The following IGF2BP3 variants were observed in gnomAD, a reference collection of about 807,000 sequenced individuals.
IGF2BP3 encodes insulin like growth factor 2 mRNA binding protein 3.
IGF2BP3 carries 9 observed loss-of-function variants against 73.8 expected under a neutral mutation model. The observed-to-expected ratio is 0.12, with a 90% confidence interval of 0.07 to 0.21. The LOEUF is 0.21. IGF2BP3 is among the 10% of genes least tolerant of loss of function. IGF2BP3 has a pLI of 1.00. For synonymous variants in IGF2BP3, 258 were observed against 256.7 expected (o/e 1.01, Z -0.05); for missense variants, 542 against 714.0 (o/e 0.76, Z 2.75).
At chr7:23,346,482 G>A (rs940144100) in intron 7 of IGF2BP3, among the ~76,000 whole-genome samples, 8 of 152,152 alleles carry the variant, frequency 5.3e-5, no homozygotes, top group African/African-American at 1.9e-4. Context: ...CATAAGAACA[G>A]GAAGGGGAGC....
rs746204752 is a variant in IGF2BP3, at chr7:23,392,472, G to GTA, written c.285+26302_285+26303dup. On this transcript the variant is annotated intron_variant, in intron 3 of 14. Coordinates refer to ENST00000258729, the MANE Select transcript of IGF2BP3 (RefSeq NM_006547.3). ...TATATACACACACACACATATATAT[G>GTA]TATATATATATATACACACATACAC... Among the ~76,000 whole-genome samples the GTA allele has an allele frequency of 2.7e-3, 380 of 140,660 alleles. 1 individual carries two copies. Among genetic ancestry groups the GTA allele is most frequent in the African/African-American group, 5.0e-3 (188 of 37,952 alleles). The allele number at this position is 140,660 out of a possible 152,430, so 92.3% of individuals were successfully genotyped here. A position where few individuals can be genotyped will look rare whatever the true frequency, so the allele number is the denominator to read the frequency against.
chr7:23,321,141 T>C (rs1784132828), intron 10 of IGF2BP3, among the ~76,000 whole-genome samples: 1 of 152,162 alleles, frequency 6.6e-6, no homozygotes, highest in African/African-American at 2.4e-5. Context: ...GGGTGATTTC[T>C]GCATTTCCAT....
chr7:23,346,939 T>C (rs1784844001), intron 7 of IGF2BP3, among the ~76,000 whole-genome samples: 1 of 152,188 alleles, frequency 6.6e-6, no homozygotes, highest in African/African-American at 2.4e-5. Flanking sequence ...TTTACTTTAA[T>C]AATTACATTC....
chr7:23,364,750 T>A (rs1785325747), intron 3 of IGF2BP3, among the ~76,000 whole-genome samples: 1 of 152,102 alleles, frequency 6.6e-6, no homozygotes, highest in Non-Finnish European at 1.5e-5. Flanking sequence ...CCATTAAAAT[T>A]TAGCTTTTAA....
intron 3 of IGF2BP3, among the ~76,000 whole-genome samples, chr7:23,392,367 A>G (rs1460680476): frequency 6.6e-6 from 1 of 150,510 alleles, no homozygotes; most frequent in Non-Finnish European, 1.5e-5. Flanking sequence ...CTGATTCAGT[A>G]AGTAGTGCTG....
intron 10 of IGF2BP3, among the ~76,000 whole-genome samples, chr7:23,337,420 G>C (rs1436477891): frequency 6.6e-6 from 1 of 152,240 alleles, no homozygotes; most frequent in Admixed American, 6.5e-5. Context: ...GAACTTAAAA[G>C]CTTGCTTCCT....
intron 3 of IGF2BP3, among the ~76,000 whole-genome samples, chr7:23,397,536 T>C (rs1208545842): frequency 2.0e-5 from 3 of 152,336 alleles, no homozygotes; most frequent in East Asian, 3.9e-4. Flanking sequence ...CCATACGCCA[T>C]GCCTCCTTCA....
chr7:23,432,479 C>T (rs919511548), intron 2 of IGF2BP3, among the ~76,000 whole-genome samples: 1 of 151,974 alleles, frequency 6.6e-6, no homozygotes, highest in Non-Finnish European at 1.5e-5. Flanking sequence ...AATGTGACTA[C>T]TAGAAGGGCA....
chr7:23,326,362 G>A (rs1208673262), intron 10 of IGF2BP3, among the ~76,000 whole-genome samples: 10 of 152,092 alleles, frequency 6.6e-5, no homozygotes, highest in Non-Finnish European at 1.0e-4. Context: ...CAAAACCACA[G>A]TGAGATACCA....
At chr7:23,459,676 C>T (rs1738177332) in intron 2 of IGF2BP3, among the ~76,000 whole-genome samples, 1 of 151,812 alleles carries the variant, frequency 6.6e-6, no homozygotes, top group South Asian at 2.1e-4. Flanking sequence ...ACTAAAAATA[C>T]AAAAATTAGC....
At chr7:23,446,484 G>C (rs1166081948) in intron 2 of IGF2BP3, among the ~76,000 whole-genome samples, 2 of 152,250 alleles carry the variant, frequency 1.3e-5, no homozygotes, top group East Asian at 3.9e-4. Context: ...TTGAACCCAG[G>C]AGGCAGAGGT....
intron 10 of IGF2BP3, among the ~76,000 whole-genome samples, chr7:23,332,483 T>C (rs1270006947): frequency 6.6e-6 from 1 of 152,246 alleles, no homozygotes; most frequent in Admixed American, 6.5e-5. Context: ...TCAGCATTTT[T>C]AGAACACATA....
chr7:23,365,909 T>G (rs765755450), intron 3 of IGF2BP3: 1 of 152,332 alleles, frequency 6.6e-6, no homozygotes, highest in Non-Finnish European at 1.5e-5. Flanking sequence ...GAGCTCCATA[T>G]TTTGATTACC....
chr7:23,315,563 C>A (rs1436969194), intron 12 of IGF2BP3, among the ~76,000 whole-genome samples: 1 of 152,162 alleles, frequency 6.6e-6, no homozygotes, highest in African/African-American at 2.4e-5. Flanking sequence ...CCACAAAAAA[C>A]AATAGTACCC....
intron 3 of IGF2BP3, among the ~76,000 whole-genome samples, chr7:23,381,148 A>C (rs375092): frequency 0.33 from 50,235 of 152,128 alleles, 13,463 homozygotes; most frequent in African/African-American, 0.74. Context: ...CTCCTCCCAG[A>C]AGTCTCTATA....
At chr7:23,320,519 T>G (rs926787862) in intron 10 of IGF2BP3, among the ~76,000 whole-genome samples, 1 of 152,108 alleles carries the variant, frequency 6.6e-6, no homozygotes. Flanking sequence ...TTTTCCACTT[T>G]GTTTACCTTC....
chr7:23,322,793 A>G (rs1034567591), intron 10 of IGF2BP3, among the ~76,000 whole-genome samples: 2 of 152,238 alleles, frequency 1.3e-5, no homozygotes, highest in African/African-American at 4.8e-5. Context: ...AAGAATTTTC[A>G]ACCCAGAATT....
At chr7:23,329,888 A>G (rs1291219032) in intron 10 of IGF2BP3, among the ~76,000 whole-genome samples, 1 of 152,196 alleles carries the variant, frequency 6.6e-6, no homozygotes, top group Non-Finnish European at 1.5e-5. Flanking sequence ...CTGAAGTCAC[A>G]CACCACCTGG....
intron 5 of IGF2BP3, among the ~76,000 whole-genome samples, chr7:23,355,958 T>C (rs1473331598): frequency 1.3e-5 from 2 of 150,610 alleles, no homozygotes; most frequent in East Asian, 1.9e-4. Flanking sequence ...AAATTGTTCA[T>C]TGGGGTAGAT....
Sources: allele counts gnomAD v4.1 joint callset (sites outside exome capture counted in the v4.1 genomes callset), GRCh38; gene constraint gnomAD v4.1.1; transcripts MANE v1.5; gene names NCBI Gene and HGNC (gene_info 2026-07-23, HGNC 2026-07-21).